CCDC60: variants seen among roughly 807,000 people sequenced by gnomAD.
CCDC60 encodes the protein coiled-coil domain containing 60.
In CCDC60, 54 loss-of-function variants were observed where a neutral mutation model predicts 63.5. That is an observed-to-expected ratio of 0.85 (90% CI 0.68 to 1.07). The LOEUF (loss-of-function observed/expected upper bound fraction) is 1.07. CCDC60 is among the 50% of genes least tolerant of loss of function. The pLI is 0.00. For missense variants in CCDC60, 651 were observed against 684.3 expected (o/e 0.95, Z 0.54); for synonymous variants, 206 against 238.8 (o/e 0.86, Z 1.27).
intron 1 of CCDC60, among the ~76,000 whole-genome samples, chr12:119,377,923 T>C (rs1955970110): frequency 6.6e-6 from 1 of 152,110 alleles, no homozygotes; most frequent in South Asian, 2.1e-4. Context: ...ACACAAGAAA[T>C]GAGTTTAAGA....
chr12:119,465,148 A>AC (rs1950928846), intron 2 of CCDC60, among the ~76,000 whole-genome samples: 1 of 151,828 alleles, frequency 6.6e-6, no homozygotes, highest in Non-Finnish European at 1.5e-5. Flanking sequence ...CGTCTCTACT[A>AC]AAAATACAAA....
At chr12:119,517,870 A>G (rs1399936015) in intron 8 of CCDC60, among the ~76,000 whole-genome samples, 1 of 152,190 alleles carries the variant, frequency 6.6e-6, no homozygotes, top group Non-Finnish European at 1.5e-5. Context: ...GACCTCTAAA[A>G]GCCCCAGAGA....
intron 2 of CCDC60, among the ~76,000 whole-genome samples, chr12:119,432,089 AG>A (rs1217377528): frequency 2.6e-5 from 4 of 152,208 alleles, no homozygotes; most frequent in Non-Finnish European, 4.4e-5. Flanking sequence ...GTTAAAAGTC[AG>A]ATATCTTTCA....
intron 2 of CCDC60, 174 bp downstream of exon 2, chr12:119,428,936 G>T (rs2136233335): frequency 2.0e-6 from 1 of 504,274 alleles, no homozygotes; most frequent in Non-Finnish European, 3.5e-6. Context: ...CGCTTTCTCA[G>T]CTGGACTTTC....
chr12:119,421,705 G>A (rs971575973), intron 1 of CCDC60, among the ~76,000 whole-genome samples: 1 of 152,110 alleles, frequency 6.6e-6, no homozygotes, highest in Non-Finnish European at 1.5e-5. Flanking sequence ...CACAGATGGG[G>A]AAACTGAGAC....
intron 2 of CCDC60, among the ~76,000 whole-genome samples, chr12:119,451,505 G>T (rs1366443610): frequency 1.3e-5 from 2 of 152,158 alleles, no homozygotes; most frequent in South Asian, 4.1e-4. Flanking sequence ...TGGGGGCTTG[G>T]GGCTTTCCCC....
intron 1 of CCDC60, among the ~76,000 whole-genome samples, chr12:119,405,194 G>A (rs1956465183): frequency 6.6e-6 from 1 of 152,214 alleles, no homozygotes; most frequent in Non-Finnish European, 1.5e-5. Flanking sequence ...CAAGAGGAAG[G>A]TGTTTTGCTT....
intron 1 of CCDC60, among the ~76,000 whole-genome samples, chr12:119,425,165 T>G (rs1280699387): frequency 6.6e-6 from 1 of 152,202 alleles, no homozygotes; most frequent in Admixed American, 6.5e-5. Context: ...CAGGAAAATT[T>G]CTGATGTGCT....
intron 1 of CCDC60, among the ~76,000 whole-genome samples, chr12:119,339,160 T>C (rs1042730264): frequency 6.6e-5 from 10 of 152,206 alleles, no homozygotes; most frequent in Middle Eastern, 3.4e-3. Flanking sequence ...GCAGACGAAG[T>C]CTAATGGGAT....
At chr12:119,476,253 A>G (rs952708772) in intron 3 of CCDC60, among the ~76,000 whole-genome samples, 3 of 152,046 alleles carry the variant, frequency 2.0e-5, no homozygotes, top group African/African-American at 7.2e-5. Context: ...GAAAAGGTGG[A>G]AAAAAAAGTG....
intron 6 of CCDC60, among the ~76,000 whole-genome samples, chr12:119,503,847 T>C (rs1331753836): frequency 1.3e-5 from 2 of 152,260 alleles, no homozygotes; most frequent in Non-Finnish European, 2.9e-5. Flanking sequence ...GGTGTGGTCT[T>C]CAATGCTGTC....
At chr12:119,430,805 G>GA (rs1311688691) in intron 2 of CCDC60, among the ~76,000 whole-genome samples, 1 of 152,182 alleles carries the variant, frequency 6.6e-6, no homozygotes, top group Non-Finnish European at 1.5e-5. Flanking sequence ...AGAACTGTGA[G>GA]AAAATATATG....
intron 4 of CCDC60, among the ~76,000 whole-genome samples, chr12:119,480,956 TCATCAC>T (rs1189193629): frequency 6.7e-5 from 10 of 148,768 alleles, no homozygotes; most frequent in Non-Finnish European, 1.3e-4. Flanking sequence ...ATCATCACCA[TCATCAC>T]CATCACCATC....
At chr12:119,539,464 G>A (rs921780711) in intron 13 of CCDC60, among the ~76,000 whole-genome samples, 2 of 152,204 alleles carry the variant, frequency 1.3e-5, no homozygotes, top group Non-Finnish European at 2.9e-5. Flanking sequence ...GAACTTTCTG[G>A]TGGCTTTGTT....
At chr12:119,517,306 T>A (rs564862024) in intron 8 of CCDC60, among the ~76,000 whole-genome samples, 1 of 152,300 alleles carries the variant, frequency 6.6e-6, no homozygotes, top group Non-Finnish European at 1.5e-5. Flanking sequence ...TCCAGACATT[T>A]CTAATTCCAA....
chr12:119,368,009 G>A (rs1955857954), intron 1 of CCDC60, among the ~76,000 whole-genome samples: 1 of 149,578 alleles, frequency 6.7e-6, no homozygotes, highest in Non-Finnish European at 1.5e-5. Context: ...TTAAATGGGT[G>A]AATTGTATTG....
chr12:119,436,541 C>CTTTTT (rs34712445), intron 2 of CCDC60, among the ~76,000 whole-genome samples: 1,563 of 144,010 alleles, frequency 0.011, 36 homozygotes, highest in African/African-American at 0.036. Flanking sequence ...GATGCCAATA[C>CTTTTT]TTTTTTTTTT....
intron 1 of CCDC60, among the ~76,000 whole-genome samples, chr12:119,396,094 C>T (rs528224852): frequency 1.1e-4 from 16 of 152,156 alleles, no homozygotes; most frequent in African/African-American, 3.6e-4. Context: ...CCCACCACCT[C>T]GCCTGGCTAA....
At chr12:119,407,870 A>G (rs1956522420) in intron 1 of CCDC60, among the ~76,000 whole-genome samples, 1 of 152,234 alleles carries the variant, frequency 6.6e-6, no homozygotes, top group Non-Finnish European at 1.5e-5. Flanking sequence ...GTGCTTTTCA[A>G]TACTACAATC....
Sources: gnomAD v4.1 joint callset for allele counts (sites outside exome capture counted in the v4.1 genomes callset) on GRCh38, gnomAD v4.1.1 for gene constraint, MANE v1.5 for transcripts, NCBI Gene and HGNC (gene_info 2026-07-23, HGNC 2026-07-21) for gene names.